ICA1L: variants seen among roughly 807,000 people sequenced by gnomAD.
ICA1L encodes islet cell autoantigen 1-like protein.
ICA1L carries 50 observed loss-of-function variants against 61.3 expected under a neutral mutation model. The ratio of observed to expected loss-of-function variants is 0.82; its 90% confidence interval spans 0.65 to 1.03. ICA1L has a LOEUF of 1.03. Among genes scored for constraint, ICA1L ranks in the 50% least tolerant of loss-of-function variants. The probability of loss-of-function intolerance (pLI) is 0.00; values close to 1 mark genes in which losing one functional copy is unlikely to be tolerated. For synonymous variants in ICA1L, 161 were observed against 191.3 expected (o/e 0.84, Z 1.31); for missense variants, 508 against 556.7 (o/e 0.91, Z 0.88).
Position 202,801,796 on chromosome 2 carries a change from C to T in ICA1L, c.911-4832G>A, listed in dbSNP as rs577468591. On this transcript the variant is annotated intron_variant, in intron 9 of 12. Transcript: ENST00000358299. ...CTTGGCAAACGCAAGGAAACTGAGC[C>T]GAGCCCACAATTCTACATTAAAATA... Among the ~76,000 whole-genome samples, 19 of 152,266 alleles carry T rather than the reference C, an allele frequency of 1.2e-4. 1 individual carries two copies. The highest frequency in any genetic ancestry group is 2.1e-4 in the South Asian group (1 of 4,828).
At chr2:202,833,571 T>G (rs1242674705) in intron 1 of ICA1L, among the ~76,000 whole-genome samples, 2 of 151,784 alleles carry the variant, frequency 1.3e-5, no homozygotes. Flanking sequence ...GGCGACAGAG[T>G]GACAGCCTGT....
chr2:202,810,048 A>T (rs926061536), intron 9 of ICA1L, among the ~76,000 whole-genome samples: 1 of 152,210 alleles, frequency 6.6e-6, no homozygotes, highest in African/African-American at 2.4e-5. Flanking sequence ...GCATTTAGTA[A>T]TCAAACTCCC....
At position 202,788,911 on chromosome 2, in the gene ICA1L, AC is replaced by A. The variant is rs778415916; in HGVS notation, c.1161del (p.Ser388LeufsTer55). The stretch of plus-strand genomic sequence containing the variant: ...CGAGAAGAATGAGCGAGGGGCTCAG[AC>A]CCCATGGAAGGCTCCTGGGATGTGA... ...ASLTSQEPSMGSEPLAHSSRF... is the reference protein window; with the variant it reads ...ASLTSQEPSMXSEPLAHSSRF... On this transcript the variant is annotated frameshift_variant, in exon 11 of 13. Coordinates refer to ENST00000358299, the MANE Select transcript of ICA1L (RefSeq NM_001288622.3). LOFTEE classifies it high-confidence loss of function. 49 of 1,614,032 alleles carry A rather than the reference AC, an allele frequency of 3.0e-5. No individual in the cohort carries two copies. The highest frequency in any genetic ancestry group is 3.7e-5 in the Non-Finnish European group (44 of 1,179,932).
Position 202,788,845 on chromosome 2 carries a change from C to G in ICA1L, c.1228G>C (p.Ala410Pro). 6.2e-7 allele frequency: 1 copy of G among 1,613,988 alleles called. No individual in the cohort carries two copies. Among genetic ancestry groups the G allele is most frequent in the South Asian group, 1.1e-5 (1 of 91,068 alleles). The change falls in exon 11 of 13, where the codon GCT becomes CCT. Residue 410 changes from alanine (A) to proline (P), a missense_variant. By Grantham distance (27) the Ala-to-Pro change is conservative. Coordinates refer to ENST00000358299, the MANE Select transcript of ICA1L (RefSeq NM_001288622.3). ...SQLFDLGFHV[A>P]GAFNNWVSQE... ...AGACACTTACTGTTGAACGCTCCAG[C>G]CACATGAAAGCCAAGGTCAAAGAGT...
rs1409944458 is a variant in ICA1L at position 202,782,861 on chromosome 2, GTC to G, written c.1333+3055_1333+3056del. Among the ~76,000 whole-genome samples the G allele has an allele frequency of 2.6e-5, 4 of 151,952 alleles. No homozygotes were observed. The South Asian group carries it at 6.2e-4, about 24-fold the overall frequency. On this transcript the variant is annotated intron_variant, in intron 12 of 12. Coordinates refer to ENST00000358299, the MANE Select transcript of ICA1L (RefSeq NM_001288622.3). ...TTCTGAAATTTATTTACTTTATAGTGTCTGTTTTAAATGCTTAAGCACAACTT... is the reference window on the plus strand; with the variant it reads ...TTCTGAAATTTATTTACTTTATAGTGTGTTTTAAATGCTTAAGCACAACTT...
intron 10 of ICA1L, among the ~76,000 whole-genome samples, chr2:202,793,494 TAAAAAAAAAAAA>T (rs755015399): frequency 2.6e-4 from 8 of 31,336 alleles, no homozygotes; most frequent in African/African-American, 7.4e-4. Flanking sequence ...CCGTCTCTAC[TAAAAAAAAAAAA>T]AAAAAAAAAA....
intron 12 of ICA1L, among the ~76,000 whole-genome samples, chr2:202,782,192 C>A (rs1692428379): frequency 6.6e-6 from 1 of 151,924 alleles, no homozygotes; most frequent in Middle Eastern, 3.4e-3. Flanking sequence ...CCAAAAAATA[C>A]AAAAATTAGC....
Position 202,814,801 on chromosome 2 carries a change from C to A in ICA1L, c.784-17G>T. Reference sequence around the variant, plus strand: ...TTGTAGTTGCTAAAGATAAGAAAGTCAATGTTAAGTATATAGAATGAATCT... The same window carrying A: ...TTGTAGTTGCTAAAGATAAGAAAGTAAATGTTAAGTATATAGAATGAATCT... On this transcript the variant is annotated splice_polypyrimidine_tract_variant and intron_variant, in intron 7 of 12. Coordinates refer to ENST00000358299, the MANE Select transcript of ICA1L (RefSeq NM_001288622.3). The A allele has an allele frequency of 6.6e-7, 1 of 1,523,592 alleles. No homozygotes were observed. Among genetic ancestry groups the A allele is most frequent in the Non-Finnish European group, 9.1e-7 (1 of 1,099,038 alleles). 94.4% of individuals were successfully genotyped at this position (1,523,592 alleles called of 1,614,324 possible).
chr2:202,783,485 G>A (rs981344342), intron 12 of ICA1L, among the ~76,000 whole-genome samples: 1 of 152,068 alleles, frequency 6.6e-6, no homozygotes, highest in African/African-American at 2.4e-5. Context: ...TGCATAACCT[G>A]GGTCTAATTA....
chr2:202,829,426 A>G (rs564295241), intron 1 of ICA1L, among the ~76,000 whole-genome samples: 54 of 152,348 alleles, frequency 3.5e-4, no homozygotes, highest in African/African-American at 1.3e-3. Flanking sequence ...CCAATATTTA[A>G]TCTGACAAAT....
intron 1 of ICA1L, among the ~76,000 whole-genome samples, chr2:202,861,013 TG>T (rs1694895124): frequency 6.6e-6 from 1 of 152,058 alleles, no homozygotes; most frequent in Admixed American, 6.6e-5. Flanking sequence ...GTGGATCACC[TG>T]AGGTACGGAG....
rs528271411 is a variant in ICA1L, at chr2:202,848,904, G to A, written c.-7-19888C>T. Among the ~76,000 whole-genome samples the A allele has an allele frequency of 8.5e-5, 13 of 152,188 alleles. 1 individual carries two copies. The South Asian group carries it at 2.5e-3, about 29-fold the overall frequency. ...AGCTCCCAGGGAGACAAACGCAGAA[G>A]GCAGGTGATTTCTGCATTGCCAACT... On this transcript the variant is annotated intron_variant, in intron 1 of 12. Transcript: ENST00000358299.
intron 1 of ICA1L, among the ~76,000 whole-genome samples, chr2:202,845,584 G>A (rs1036830092): frequency 2.0e-5 from 3 of 150,024 alleles, no homozygotes; most frequent in African/African-American, 7.4e-5. Flanking sequence ...CCAAGATCAC[G>A]CCATTGCACT....
chr2:202,806,657 A>G (rs972671316), intron 9 of ICA1L, among the ~76,000 whole-genome samples: 7 of 152,034 alleles, frequency 4.6e-5, no homozygotes, highest in Non-Finnish European at 8.8e-5. Context: ...AAAAAAAAAA[A>G]AAGAAGAAAA....
intron 1 of ICA1L, among the ~76,000 whole-genome samples, chr2:202,861,832 C>T (rs1015632497): frequency 8.8e-5 from 12 of 136,506 alleles, no homozygotes; most frequent in Admixed American, 8.4e-5. Flanking sequence ...GTGAGTAAGC[C>T]GAGATCATGC....
intron 8 of ICA1L, among the ~76,000 whole-genome samples, chr2:202,814,238 T>C (rs1407043471): frequency 6.6e-6 from 1 of 152,164 alleles, no homozygotes; most frequent in Non-Finnish European, 1.5e-5. Context: ...TTTGGGTCAT[T>C]GGGGCAGATC....
At chr2:202,836,818 T>TATATAGATATAG (rs747637482) in intron 1 of ICA1L, among the ~76,000 whole-genome samples, 8 of 148,686 alleles carry the variant, frequency 5.4e-5, no homozygotes, top group Non-Finnish European at 1.0e-4. Flanking sequence ...TATATATAGA[T>TATATAGATATAG]ATATAGATAT....
chr2:202,791,495 G>A (rs1411139361), intron 10 of ICA1L, among the ~76,000 whole-genome samples: 3 of 152,184 alleles, frequency 2.0e-5, no homozygotes, highest in African/African-American at 7.2e-5. Context: ...AATAGCACAT[G>A]AAAAGAGTCT....
chr2:202,862,565 G>C (rs1228579340), intron 1 of ICA1L, among the ~76,000 whole-genome samples: 10 of 152,190 alleles, frequency 6.6e-5, no homozygotes. Flanking sequence ...GGCCAGGCAT[G>C]GTGGCTCACG....
Sources: allele counts gnomAD v4.1 joint callset (sites outside exome capture counted in the v4.1 genomes callset), GRCh38; gene constraint gnomAD v4.1.1; transcripts MANE v1.5; gene names NCBI Gene and HGNC (gene_info 2026-07-23, HGNC 2026-07-21).